Variants in FAM110B observed in about 807,000 individuals in gnomAD.
FAM110B encodes family with sequence similarity 110 member B.
A neutral mutation model predicts 20.4 loss-of-function variants in FAM110B; 6 were observed. That is an observed-to-expected ratio of 0.29 (90% CI 0.16 to 0.58). FAM110B has a LOEUF of 0.58. Ranked by LOEUF, FAM110B falls within the 20% of genes least tolerant of loss-of-function variation. FAM110B has a pLI of 0.90. For synonymous variants in FAM110B, 226 were observed against 214.1 expected (o/e 1.06, Z -0.49); for missense variants, 434 against 498.2 (o/e 0.87, Z 1.23).
intron 3 of FAM110B, among the ~76,000 whole-genome samples, chr8:58,078,009 A>G (rs1806081028): frequency 6.6e-6 from 1 of 152,236 alleles, no homozygotes; most frequent in Non-Finnish European, 1.5e-5. Flanking sequence ...TGAAAAGCAT[A>G]ATTTGTTTCT....
chr8:58,081,529 A>G (rs143857170), intron 3 of FAM110B, among the ~76,000 whole-genome samples: 2 of 152,166 alleles, frequency 1.3e-5, no homozygotes, highest in African/African-American at 4.8e-5. Flanking sequence ...TACAGTTTTC[A>G]TCCTGTTACT....
intron 2 of FAM110B, among the ~76,000 whole-genome samples, chr8:58,033,068 C>G (rs576225882): frequency 1.3e-5 from 2 of 152,148 alleles, no homozygotes; most frequent in Admixed American, 1.3e-4. Context: ...CCCTGTAACT[C>G]CCCCCAGTAG....
chr8:58,075,265 T>TC (rs1554521033), intron 2 of FAM110B, among the ~76,000 whole-genome samples: 1 of 125,844 alleles, frequency 7.9e-6, no homozygotes, highest in East Asian at 2.0e-4. Context: ...ATTTTTGCTT[T>TC]TTTTTTTTTT....
At chr8:58,118,541 T>G (rs1006597893) in intron 3 of FAM110B, among the ~76,000 whole-genome samples, 2 of 152,188 alleles carry the variant, frequency 1.3e-5, no homozygotes, top group African/African-American at 4.8e-5. Flanking sequence ...TGCAGATGCT[T>G]ACTTCTAAGG....
chr8:58,069,186 A>G (rs1427577679), intron 2 of FAM110B, among the ~76,000 whole-genome samples: 1 of 152,196 alleles, frequency 6.6e-6, no homozygotes, highest in Non-Finnish European at 1.5e-5. Flanking sequence ...CGATGGAGAC[A>G]TGTTGAGGTA....
At chr8:58,141,733 T>G (rs1803747501) in intron 3 of FAM110B, among the ~76,000 whole-genome samples, 1 of 152,240 alleles carries the variant, frequency 6.6e-6, no homozygotes, top group Non-Finnish European at 1.5e-5. Context: ...AATATTGAAT[T>G]TTTAAATCGG....
chr8:58,025,294 G>A (rs1008038125), intron 1 of FAM110B, among the ~76,000 whole-genome samples: 15 of 152,286 alleles, frequency 9.8e-5, no homozygotes, highest in African/African-American at 3.4e-4. Context: ...GAACTAGGGG[G>A]GCATGGGCCG....
chr8:58,023,479 A>G (rs1323856015), intron 1 of FAM110B, among the ~76,000 whole-genome samples: 3 of 152,244 alleles, frequency 2.0e-5, no homozygotes, highest in Non-Finnish European at 4.4e-5. Context: ...ATATTTTTCA[A>G]TATAGTTTTG....
chr8:58,033,371 T>C (rs1370988873), intron 2 of FAM110B, among the ~76,000 whole-genome samples: 1 of 152,232 alleles, frequency 6.6e-6, no homozygotes, highest in Non-Finnish European at 1.5e-5. Flanking sequence ...TATAAATTCA[T>C]GTGTCTTTTT....
At chr8:58,020,808 A>G (rs950677764) in intron 1 of FAM110B, among the ~76,000 whole-genome samples, 14 of 152,248 alleles carry the variant, frequency 9.2e-5, no homozygotes, top group African/African-American at 1.7e-4. Flanking sequence ...CTAGCATCCA[A>G]TCTGTCCCAC....
At chr8:58,038,353 A>G (rs193239605) in intron 2 of FAM110B, among the ~76,000 whole-genome samples, 10 of 152,334 alleles carry the variant, frequency 6.6e-5, no homozygotes, top group Admixed American at 1.3e-4. Context: ...GATGTTGCAT[A>G]TTTAATTTTA....
At chr8:58,133,887 G>T (rs1803548560) in intron 3 of FAM110B, among the ~76,000 whole-genome samples, 1 of 152,230 alleles carries the variant, frequency 6.6e-6, no homozygotes, top group South Asian at 2.1e-4. Context: ...CAAGGTGGAT[G>T]AACTTATTAG....
chr8:58,123,071 CG>C (rs1215260640), intron 3 of FAM110B, among the ~76,000 whole-genome samples: 1 of 152,136 alleles, frequency 6.6e-6, no homozygotes, highest in Non-Finnish European at 1.5e-5. Context: ...CTCAGCAGAG[CG>C]GGGAGCTAAA....
At chr8:58,049,865 G>A (rs1027068639) in intron 2 of FAM110B, among the ~76,000 whole-genome samples, 22 of 152,092 alleles carry the variant, frequency 1.4e-4, no homozygotes, top group African/African-American at 5.1e-4. Context: ...TCTACTGATG[G>A]CATATTTTTA....
intron 3 of FAM110B, among the ~76,000 whole-genome samples, chr8:58,093,589 T>C (rs575500465): frequency 6.6e-6 from 1 of 152,316 alleles, no homozygotes; most frequent in African/African-American, 2.4e-5. Flanking sequence ...AGGCCTGTGT[T>C]CTGTTCCATT....
intron 3 of FAM110B, among the ~76,000 whole-genome samples, chr8:58,103,990 T>C (rs901114242): frequency 1.3e-5 from 2 of 152,238 alleles, no homozygotes; most frequent in African/African-American, 4.8e-5. Context: ...TTACCTATTA[T>C]GTATGTTATG....
intron 3 of FAM110B, chr8:58,101,039 TG>T (rs1806766983): frequency 6.6e-6 from 1 of 152,110 alleles, no homozygotes; most frequent in South Asian, 2.1e-4. Flanking sequence ...TAGCTGGGCA[TG>T]GTGGTGGGCA....
intron 3 of FAM110B, among the ~76,000 whole-genome samples, chr8:58,118,915 C>T (rs1173525058): frequency 6.6e-6 from 1 of 152,182 alleles, no homozygotes; most frequent in Admixed American, 6.5e-5. Context: ...TTTTTAGATT[C>T]TTGTTTTAAC....
chr8:58,047,991 ATGATTTACAT>A (rs1805364573), intron 2 of FAM110B, among the ~76,000 whole-genome samples: 1 of 152,180 alleles, frequency 6.6e-6, no homozygotes, highest in African/African-American at 2.4e-5. Context: ...TAAAAGCTTA[ATGATTTACAT>A]CTGAAGGTTA....
Sources: allele counts gnomAD v4.1 joint callset (sites outside exome capture counted in the v4.1 genomes callset), GRCh38; gene constraint gnomAD v4.1.1; transcripts MANE v1.5; gene names NCBI Gene and HGNC (gene_info 2026-07-23, HGNC 2026-07-21).